The following ANK3 variants were observed in gnomAD, a reference collection of about 807,000 sequenced individuals.
ANK3 encodes the protein ankyrin 3.
ANK3 carries 57 observed loss-of-function variants against 370.9 expected under a neutral mutation model. The observed-to-expected ratio is 0.15, with a 90% confidence interval of 0.12 to 0.19. The LOEUF (loss-of-function observed/expected upper bound fraction) is 0.19. Among genes scored for constraint, ANK3 ranks in the 10% least tolerant of loss-of-function variants. ANK3 has a pLI of 1.00. For missense variants in ANK3, 4,439 were observed against 5,302.1 expected (o/e 0.84, Z 5.06); for synonymous variants, 1,929 against 1,946.3 (o/e 0.99, Z 0.23).
At chr10:60,324,703 C>T (rs116093734) in intron 1 of ANK3, among the ~76,000 whole-genome samples, 3,552 of 152,120 alleles carry the variant, frequency 0.023, 129 homozygotes, top group African/African-American at 0.078. Context: ...CCTGCCTAGA[C>T]CATAAAATCT....
At chr10:60,354,666 C>T (rs1459700078) in intron 1 of ANK3, among the ~76,000 whole-genome samples, 1 of 152,152 alleles carries the variant, frequency 6.6e-6, no homozygotes, top group Non-Finnish European at 1.5e-5. Context: ...AAAAATAGCT[C>T]TTGCCCCAGT....
At chr10:60,286,027 A>C (rs923491330) in intron 1 of ANK3, among the ~76,000 whole-genome samples, 2 of 152,166 alleles carry the variant, frequency 1.3e-5, no homozygotes, top group African/African-American at 4.8e-5. Flanking sequence ...CATTTTTTAA[A>C]AAAAGTATTT....
At chr10:60,316,444 C>A (rs576987868) in intron 1 of ANK3, among the ~76,000 whole-genome samples, 1 of 152,122 alleles carries the variant, frequency 6.6e-6, no homozygotes, top group African/African-American at 2.4e-5. Context: ...AGCTTCTTTT[C>A]GTCTTCTGGA....
At chr10:60,415,033 T>C (rs1004480805) in intron 2 of ANK3, among the ~76,000 whole-genome samples, 8 of 152,106 alleles carry the variant, frequency 5.3e-5, no homozygotes, top group African/African-American at 1.9e-4. Context: ...GACACACGCC[T>C]GGGGGAATCT....
chr10:60,485,339 T>TCTC (rs1402849699), intron 2 of ANK3, among the ~76,000 whole-genome samples: 1 of 152,124 alleles, frequency 6.6e-6, no homozygotes, highest in East Asian at 1.9e-4. Flanking sequence ...GTCCTACTGA[T>TCTC]GGAACAGCAA....
At chr10:60,668,694 T>G (rs1407346716) in intron 1 of ANK3, among the ~76,000 whole-genome samples, 2 of 152,104 alleles carry the variant, frequency 1.3e-5, no homozygotes, top group African/African-American at 4.8e-5. Context: ...TCCAAGATTC[T>G]TTAAAAATTC....
At chr10:60,205,605 C>T (rs1311807346) in intron 11 of ANK3, among the ~76,000 whole-genome samples, 187 bp downstream of exon 11, 1 of 152,178 alleles carries the variant, frequency 6.6e-6, no homozygotes, top group East Asian at 1.9e-4. Context: ...GCATCAAACT[C>T]ACCCACCAAC....
chr10:60,216,973 T>C (rs540630239), intron 8 of ANK3, among the ~76,000 whole-genome samples: 4 of 152,228 alleles, frequency 2.6e-5, no homozygotes, highest in African/African-American at 9.6e-5. Context: ...AGGGATTCAA[T>C]ATCTTCCTGG....
intron 2 of ANK3, among the ~76,000 whole-genome samples, chr10:60,584,211 G>C (rs1284047778): frequency 6.6e-6 from 1 of 152,130 alleles, no homozygotes; most frequent in Non-Finnish European, 1.5e-5. Flanking sequence ...CCAATTACTT[G>C]GTTGTTTTTA....
intron 7 of ANK3, among the ~76,000 whole-genome samples, chr10:60,249,637 C>A (rs2097614465): frequency 6.6e-6 from 1 of 152,264 alleles, no homozygotes; most frequent in African/African-American, 2.4e-5. Flanking sequence ...TTTGAAGTTT[C>A]TAAAGAAAGA....
chr10:60,354,424 G>A (rs960906040), intron 1 of ANK3, among the ~76,000 whole-genome samples: 1 of 152,130 alleles, frequency 6.6e-6, no homozygotes, highest in African/African-American at 2.4e-5. Context: ...TGCTTGAAAC[G>A]CTGTCTTCAG....
At chr10:60,695,781 T>C (rs936996769) in intron 1 of ANK3, among the ~76,000 whole-genome samples, 1 of 152,160 alleles carries the variant, frequency 6.6e-6, no homozygotes. Flanking sequence ...TAGCACTAAA[T>C]GCCCATAGGA....
intron 1 of ANK3, among the ~76,000 whole-genome samples, chr10:60,702,549 GGTGT>G (rs2079559006): frequency 6.6e-6 from 1 of 151,610 alleles, no homozygotes; most frequent in Non-Finnish European, 1.5e-5. Context: ...TGTGATTATT[GGTGT>G]GTAAAAAAAA....
chr10:60,665,984 C>T (rs1564516308), intron 1 of ANK3, among the ~76,000 whole-genome samples: 1 of 152,166 alleles, frequency 6.6e-6, no homozygotes, highest in Non-Finnish European at 1.5e-5. Context: ...GGTGCAGCTG[C>T]TGTTGAAAAC....
chr10:60,417,071 G>T (rs1189721359), intron 2 of ANK3, among the ~76,000 whole-genome samples: 3 of 152,176 alleles, frequency 2.0e-5, no homozygotes, highest in Non-Finnish European at 1.5e-5. Flanking sequence ...TCCAGATGAG[G>T]CAGGAAGACC....
At chr10:60,270,044 T>C (rs1209177379) in intron 5 of ANK3, 87 bp downstream of exon 5, 1 of 742,380 alleles carries the variant, frequency 1.3e-6, no homozygotes, top group South Asian at 3.0e-5. Flanking sequence ...TCAATTGAAA[T>C]ACTAGTAGGA....
At chr10:60,444,444 G>GTGTGTGTATA (rs386361850) in intron 2 of ANK3, among the ~76,000 whole-genome samples, 6 of 148,786 alleles carry the variant, frequency 4.0e-5, no homozygotes, top group East Asian at 1.9e-4. Context: ...GTGTGTGTGT[G>GTGTGTGTATA]TATATATATA....
intron 2 of ANK3, among the ~76,000 whole-genome samples, chr10:60,459,852 T>C (rs1242081619): frequency 1.3e-5 from 2 of 152,142 alleles, no homozygotes; most frequent in African/African-American, 2.4e-5. Flanking sequence ...ATATTTTCAG[T>C]GCTTCCTTTA....
chr10:60,316,901 C>T (rs1048133943), intron 1 of ANK3, among the ~76,000 whole-genome samples: 18 of 152,060 alleles, frequency 1.2e-4, no homozygotes, highest in Admixed American at 2.6e-4. Context: ...CGCCCGCCAC[C>T]ACGCCCAACT....
Sources: gnomAD v4.1 joint callset for allele counts (sites outside exome capture counted in the v4.1 genomes callset) on GRCh38, gnomAD v4.1.1 for gene constraint, MANE v1.5 for transcripts, NCBI Gene and HGNC (gene_info 2026-07-23, HGNC 2026-07-21) for gene names.